Variants in MAD1L1 observed in about 807,000 individuals in gnomAD.
The protein encoded by MAD1L1 is mitotic arrest deficient 1 like 1.
A neutral mutation model predicts 96.9 loss-of-function variants in MAD1L1; 95 were observed. The observed-to-expected ratio is 0.98, with a 90% CI of 0.83 to 1.16. The LOEUF is 1.16. Ranked by LOEUF, MAD1L1 falls within the 50% of genes most tolerant of loss-of-function variation. The probability of loss-of-function intolerance (pLI) is 0.00; values close to 1 mark genes in which losing one functional copy is unlikely to be tolerated. For missense variants in MAD1L1, 1,007 were observed against 954.4 expected, an observed-to-expected ratio of 1.06 and a Z score of -0.73; for synonymous variants, 473 against 396.6, an observed-to-expected ratio of 1.19 and a Z score of -2.29.
At chr7:2,084,654 G>A (rs542893414) in intron 11 of MAD1L1, among the ~76,000 whole-genome samples, 3 of 152,308 alleles carry the variant, frequency 2.0e-5, no homozygotes, top group African/African-American at 7.2e-5. Flanking sequence ...GTCACCTACC[G>A]CCAGCTTGAT....
chr7:2,171,914 A>C (rs1279987156), intron 10 of MAD1L1, among the ~76,000 whole-genome samples: 2 of 152,174 alleles, frequency 1.3e-5, no homozygotes, highest in Admixed American at 6.5e-5. Context: ...GAAATCAGCC[A>C]CATCTGGAGG....
At chr7:2,058,762 G>C (rs1784496814) in intron 12 of MAD1L1, among the ~76,000 whole-genome samples, 1 of 120,734 alleles carries the variant, frequency 8.3e-6, no homozygotes, top group Non-Finnish European at 1.8e-5. Flanking sequence ...GAGAAGCAGG[G>C]CTGGAGAGGG....
intron 10 of MAD1L1, among the ~76,000 whole-genome samples, chr7:2,157,526 A>G (rs1789905971): frequency 6.6e-6 from 1 of 152,294 alleles, no homozygotes; most frequent in South Asian, 2.1e-4. Flanking sequence ...TGCTCAGTGC[A>G]GCACAGGCCC....
chr7:1,842,104 TC>T (rs970449263), intron 18 of MAD1L1, among the ~76,000 whole-genome samples: 18 of 152,232 alleles, frequency 1.2e-4, no homozygotes, highest in Admixed American at 6.5e-4. Context: ...TCTTTTTTTT[TC>T]TTAATTAGTA....
chr7:2,147,450 GACAC>G (rs1334206383), intron 11 of MAD1L1, among the ~76,000 whole-genome samples: 1 of 152,250 alleles, frequency 6.6e-6, no homozygotes, highest in Non-Finnish European at 1.5e-5. Context: ...CCAGCATACA[GACAC>G]ACACATGAAA....
chr7:2,212,939 C>G (rs1356429997), intron 10 of MAD1L1, among the ~76,000 whole-genome samples: 1 of 152,250 alleles, frequency 6.6e-6, no homozygotes, highest in Non-Finnish European at 1.5e-5. Flanking sequence ...CCCCGCAACG[C>G]AGGGCAATCA....
At chr7:2,004,836 C>T (rs559658618) in intron 13 of MAD1L1, among the ~76,000 whole-genome samples, 167 of 152,350 alleles carry the variant, frequency 1.1e-3, no homozygotes, top group African/African-American at 3.7e-3. Flanking sequence ...CAGCCTAGCA[C>T]TTCCATCGAT....
intron 18 of MAD1L1, among the ~76,000 whole-genome samples, chr7:1,856,416 G>A (rs1473025397): frequency 6.6e-6 from 1 of 152,198 alleles, no homozygotes; most frequent in African/African-American, 2.4e-5. Context: ...TGCCTCCAGC[G>A]GCCCCTGCCG....
intron 11 of MAD1L1, among the ~76,000 whole-genome samples, chr7:2,070,547 G>C (rs1168137898): frequency 6.6e-6 from 1 of 152,346 alleles, no homozygotes; most frequent in East Asian, 1.9e-4. Flanking sequence ...GGGAGGGTGC[G>C]AGTCCGCGGA....
intron 17 of MAD1L1, 91 bp downstream of exon 17, chr7:1,936,596 C>A: frequency 2.3e-6 from 3 of 1,303,798 alleles, no homozygotes; most frequent in Non-Finnish European, 3.1e-6. Context: ...GGATGACAGG[C>A]AGGGGCGCCT....
At chr7:2,095,731 A>T (rs570551977) in intron 11 of MAD1L1, among the ~76,000 whole-genome samples, 57 of 152,366 alleles carry the variant, frequency 3.7e-4, no homozygotes, top group African/African-American at 9.9e-4. Flanking sequence ...CACAAGGCTC[A>T]GCCGGCGGGG....
chr7:2,097,926 C>T (rs1786576559), intron 11 of MAD1L1, among the ~76,000 whole-genome samples: 2 of 152,232 alleles, frequency 1.3e-5, no homozygotes, highest in South Asian at 4.1e-4. Context: ...CTGCTGTAGG[C>T]TTCTGCACTC....
intron 18 of MAD1L1, among the ~76,000 whole-genome samples, chr7:1,843,537 A>T (rs1228327037): frequency 2.0e-5 from 3 of 152,170 alleles, no homozygotes; most frequent in African/African-American, 7.2e-5. Context: ...CCTGAAGTGC[A>T]ATTGGTTAGT....
intron 12 of MAD1L1, among the ~76,000 whole-genome samples, chr7:2,068,337 T>C (rs1784974299): frequency 6.6e-6 from 1 of 152,172 alleles, no homozygotes; most frequent in Admixed American, 6.5e-5. Flanking sequence ...AACAGCATCT[T>C]TGGAACGGAA....
chr7:2,172,207 T>C (rs1186247491), intron 10 of MAD1L1, among the ~76,000 whole-genome samples: 2 of 152,138 alleles, frequency 1.3e-5, no homozygotes, highest in Admixed American at 1.3e-4. Flanking sequence ...TTCTCTGCCA[T>C]TATTCCTCAC....
At chr7:1,913,763 G>C (rs1021614008) in intron 17 of MAD1L1, among the ~76,000 whole-genome samples, 1 of 152,176 alleles carries the variant, frequency 6.6e-6, no homozygotes, top group Non-Finnish European at 1.5e-5. Flanking sequence ...AGAGCCACTG[G>C]GGCTGCAATG....
intron 12 of MAD1L1, among the ~76,000 whole-genome samples, chr7:2,052,927 G>T (rs1396157224): frequency 6.6e-6 from 1 of 152,132 alleles, no homozygotes; most frequent in Non-Finnish European, 1.5e-5. Flanking sequence ...CATGTGGGAG[G>T]AGGAAATCCA....
intron 10 of MAD1L1, among the ~76,000 whole-genome samples, chr7:2,194,447 A>ACAGT (rs1791884497): frequency 6.6e-6 from 1 of 152,184 alleles, no homozygotes; most frequent in Non-Finnish European, 1.5e-5. Flanking sequence ...AAAATCAGTG[A>ACAGT]CAGTCCTGTT....
intron 10 of MAD1L1, among the ~76,000 whole-genome samples, chr7:2,186,242 G>GT (rs1284267872): frequency 6.6e-6 from 1 of 152,142 alleles, no homozygotes; most frequent in African/African-American, 2.4e-5. Flanking sequence ...TAAAAAATAT[G>GT]TTTAATGAAA....
Sources: gnomAD v4.1 joint callset for allele counts (sites outside exome capture counted in the v4.1 genomes callset) on GRCh38, gnomAD v4.1.1 for gene constraint, MANE v1.5 for transcripts, NCBI Gene and HGNC (gene_info 2026-07-23, HGNC 2026-07-21) for gene names.